AKAP6: variants seen among roughly 807,000 people sequenced by gnomAD.
The protein encoded by AKAP6 is A-kinase anchoring protein 6, also known as A-kinase anchor protein 6.
Under a neutral mutation model 188.5 loss-of-function variants are expected in AKAP6, and 58 were observed. The observed-to-expected ratio is 0.31, with a 90% CI of 0.25 to 0.38. AKAP6 has a LOEUF of 0.38. Ranked by LOEUF, AKAP6 falls within the 10% of genes least tolerant of loss-of-function variation. The probability of loss-of-function intolerance (pLI) is 1.00; values close to 1 mark genes in which losing one functional copy is unlikely to be tolerated. For missense variants in AKAP6, 2,710 were observed against 2,740.0 expected (o/e 0.99, Z 0.24); for synonymous variants, 989 against 998.6 (o/e 0.99, Z 0.18).
intron 2 of AKAP6, among the ~76,000 whole-genome samples, chr14:32,492,680 G>C (rs1204623144): frequency 6.6e-6 from 1 of 151,702 alleles, no homozygotes; most frequent in African/African-American, 2.4e-5. Flanking sequence ...ACTGACCACA[G>C]AACTGGGATT....
chr14:32,561,347 C>T (rs564777165), intron 4 of AKAP6, among the ~76,000 whole-genome samples: 7 of 151,954 alleles, frequency 4.6e-5, no homozygotes, highest in Admixed American at 2.0e-4. Flanking sequence ...TAAGTAGCAT[C>T]GTGACCTTGG....
Position 32,824,236 on chromosome 14 carries a change from C to A in AKAP6, c.6423C>A (p.Thr2141=). 1 of 1,613,972 alleles carries A rather than the reference C, an allele frequency of 6.2e-7. No individual in the cohort carries two copies. The highest frequency in any genetic ancestry group is 8.5e-7 in the Non-Finnish European group (1 of 1,179,950). Residue 2141 remains threonine (T), a synonymous_variant, in exon 13 of 14, where the codon ACC becomes ACA. Coordinates refer to ENST00000280979, the MANE Select transcript of AKAP6 (RefSeq NM_004274.5). ...GCAGCACTCCATTGCCACTAGACAC[C>A]ACTGACTCGGGCTTAGATGACAAGG... ...EKSSTPLPLD[T]TDSGLDDKED...
chr14:32,465,993 C>T (rs1466344403), intron 2 of AKAP6, among the ~76,000 whole-genome samples: 1 of 152,190 alleles, frequency 6.6e-6, no homozygotes, highest in African/African-American at 2.4e-5. Context: ...CATCATTGGT[C>T]ATTACAGAAA....
At chr14:32,719,327 G>A (rs1369775790) in intron 9 of AKAP6, among the ~76,000 whole-genome samples, 1 of 152,050 alleles carries the variant, frequency 6.6e-6, no homozygotes, top group Non-Finnish European at 1.5e-5. Context: ...TAGTCCTTGG[G>A]GAATGCCCAT....
intron 12 of AKAP6, among the ~76,000 whole-genome samples, chr14:32,794,239 C>T (rs556536874): frequency 3.9e-5 from 6 of 152,148 alleles, no homozygotes; most frequent in Admixed American, 1.3e-4. Context: ...CTGAATGACT[C>T]GGGTAAATAA....
At chr14:32,572,604 A>G (rs1191602727) in intron 4 of AKAP6, among the ~76,000 whole-genome samples, 1 of 152,226 alleles carries the variant, frequency 6.6e-6, no homozygotes, top group Non-Finnish European at 1.5e-5. Flanking sequence ...AATAATGAGT[A>G]TTCTTAACTT....
At chr14:32,518,738 C>T (rs562643664) in intron 2 of AKAP6, among the ~76,000 whole-genome samples, 11 of 152,170 alleles carry the variant, frequency 7.2e-5, no homozygotes, top group Admixed American at 3.9e-4. Context: ...CTGAAAGTGA[C>T]GGGGAGAATG....
intron 1 of AKAP6, among the ~76,000 whole-genome samples, chr14:32,340,955 C>A (rs1273274378): frequency 6.6e-6 from 1 of 152,198 alleles, no homozygotes; most frequent in Non-Finnish European, 1.5e-5. Context: ...AATATCATCA[C>A]CTTGGGGGTT....
chr14:32,761,003 G>T (rs2032517541), intron 11 of AKAP6, among the ~76,000 whole-genome samples: 1 of 152,178 alleles, frequency 6.6e-6, no homozygotes, highest in African/African-American at 2.4e-5. Flanking sequence ...GAATCAAGTT[G>T]CCTTGAGCTT....
chr14:32,666,687 TAG>T (rs1318524176), intron 7 of AKAP6, among the ~76,000 whole-genome samples: 3 of 152,140 alleles, frequency 2.0e-5, no homozygotes, highest in Non-Finnish European at 4.4e-5. Flanking sequence ...ATCCTTAATA[TAG>T]AGTCTTATGC....
chr14:32,389,270 G>A lies in AKAP6; in HGVS notation c.-34-44190G>A, dbSNP rs1322027101. Among the ~76,000 whole-genome samples the A allele has an allele frequency of 8.5e-5, 13 of 152,174 alleles. No individual in the cohort carries two copies. The East Asian group carries it at 2.5e-3, about 29-fold the overall frequency. ...GTGAGTCTCTTGAAGGCAGCAGATTGTTGGTTGGTGAATTCTTATCCAATC... is the reference window on the plus strand; with the variant it reads ...GTGAGTCTCTTGAAGGCAGCAGATTATTGGTTGGTGAATTCTTATCCAATC... On this transcript the variant is annotated intron_variant, in intron 1 of 13. Coordinates refer to ENST00000280979, the MANE Select transcript of AKAP6 (RefSeq NM_004274.5).
chr14:32,471,679 A>G (rs773415112), intron 2 of AKAP6, among the ~76,000 whole-genome samples: 11 of 152,168 alleles, frequency 7.2e-5, no homozygotes, highest in South Asian at 2.1e-4. Context: ...GCTATAGCTA[A>G]TATCTTCATT....
At chr14:32,811,255 A>AAAAAAAAAAAAAAAAAAAAAAAATT (rs546819675) in intron 12 of AKAP6, among the ~76,000 whole-genome samples, 1 of 118,298 alleles carries the variant, frequency 8.5e-6, no homozygotes, top group African/African-American at 3.2e-5. Flanking sequence ...AAAAAAAAAA[A>AAAAAAAAAAAAAAAAAAAAAAAATT]AGTTGAAAAA....
chr14:32,346,157 G>C (rs555137680), intron 1 of AKAP6, among the ~76,000 whole-genome samples: 302 of 152,296 alleles, frequency 2.0e-3, no homozygotes, highest in Non-Finnish European at 3.0e-3. Context: ...GCAGTGCCCA[G>C]AAATAACAGC....
chr14:32,745,576 T>A (rs1250764474), intron 11 of AKAP6, among the ~76,000 whole-genome samples: 1 of 151,072 alleles, frequency 6.6e-6, no homozygotes, highest in East Asian at 2.0e-4. Context: ...GACACAAGCA[T>A]CCCTATGGCC....
intron 1 of AKAP6, among the ~76,000 whole-genome samples, chr14:32,374,496 C>T (rs1888102065): frequency 2.0e-5 from 3 of 152,068 alleles, no homozygotes; most frequent in South Asian, 2.1e-4. Context: ...TGATTCATTC[C>T]ATTTGGTTAG....
At chr14:32,481,985 C>CAAA (rs879823278) in intron 2 of AKAP6, among the ~76,000 whole-genome samples, 1,731 of 152,238 alleles carry the variant, frequency 0.011, 14 homozygotes, top group East Asian at 0.026. Flanking sequence ...TTTGTTCCAT[C>CAAA]TTGGAACAAA....
intron 2 of AKAP6, among the ~76,000 whole-genome samples, chr14:32,495,598 T>G (rs1301552567): frequency 6.6e-6 from 1 of 152,214 alleles, no homozygotes. Flanking sequence ...CCAAGTTCAC[T>G]TAAATTCTAG....
chr14:32,698,793 A>G (rs1024114403), intron 9 of AKAP6, among the ~76,000 whole-genome samples: 7 of 152,222 alleles, frequency 4.6e-5, no homozygotes, highest in Admixed American at 1.3e-4. Context: ...TGTGAGTTTA[A>G]AAATCAAGGA....
Sources: allele counts gnomAD v4.1 joint callset (sites outside exome capture counted in the v4.1 genomes callset), GRCh38; gene constraint gnomAD v4.1.1; transcripts MANE v1.5; gene names NCBI Gene and HGNC (gene_info 2026-07-23, HGNC 2026-07-21).